The following OR9Q1 variants were observed in gnomAD, a reference collection of about 807,000 sequenced individuals.
OR9Q1 encodes olfactory receptor 9Q1.
For synonymous variants in OR9Q1, 153 were observed against 148.6 expected (o/e 1.03, Z -0.22); for missense variants, 374 against 378.8 (o/e 0.99, Z 0.11).
intron 1 of OR9Q1, among the ~76,000 whole-genome samples, chr11:58,053,390 T>C (rs1023538560): frequency 1.5e-5 from 2 of 134,366 alleles, no homozygotes; most frequent in Non-Finnish European, 1.5e-5. Context: ...TAGGTGGGAA[T>C]TGAACAATGA....
At chr11:58,147,139 A>G (rs1378535307) in intron 2 of OR9Q1, among the ~76,000 whole-genome samples, 1 of 152,116 alleles carries the variant, frequency 6.6e-6, no homozygotes, top group Non-Finnish European at 1.5e-5. Flanking sequence ...TCTAGGACAC[A>G]TGTTATGTTA....
intron 2 of OR9Q1, among the ~76,000 whole-genome samples, chr11:58,136,979 C>G (rs370936690): frequency 7.2e-5 from 11 of 152,270 alleles, no homozygotes; most frequent in East Asian, 5.8e-4. Flanking sequence ...ATAGATCAGT[C>G]TGATTTAGGT....
intron 2 of OR9Q1, among the ~76,000 whole-genome samples, chr11:58,176,628 C>T (rs552023618): frequency 3.9e-5 from 6 of 152,166 alleles, no homozygotes; most frequent in South Asian, 4.2e-4. Context: ...GTGTCTTTGG[C>T]GGAAAAGAAG....
rs554537632 is a variant in OR9Q1, at chr11:58,078,256, C to T, written c.-15+22309C>T. 2.0e-5 allele frequency: 3 copies of T among 152,220 alleles called. No individual in the cohort carries two copies. In the East Asian group the frequency reaches 5.8e-4, roughly 29 times the overall value. The allele number at this position is 152,220 out of a possible 1,614,324, so 9.4% of individuals were successfully genotyped here. A position where few individuals can be genotyped will look rare whatever the true frequency, so the allele number is the denominator to read the frequency against. On this transcript the variant is annotated intron_variant, in intron 2 of 2. Transcript: ENST00000335397. ...ATGGCTTGTAGTGTGGGGCAGTGGG[C>T]TGCTTATGGTCATTGCTGTTGGCAG... is the stretch of plus-strand genomic sequence containing the variant.
At chr11:58,077,494 A>G (rs1853548576) in intron 2 of OR9Q1, 1 of 152,194 alleles carries the variant, frequency 6.6e-6, no homozygotes, top group African/African-American at 2.4e-5. Context: ...TCAGTGATTT[A>G]TCTGAGGTAC....
At chr11:58,026,548 G>T (rs1331461337) in intron 1 of OR9Q1, among the ~76,000 whole-genome samples, 1 of 151,960 alleles carries the variant, frequency 6.6e-6, no homozygotes, top group Non-Finnish European at 1.5e-5. Context: ...TGGATATGGT[G>T]ATGCGTGCCT....
intron 2 of OR9Q1, chr11:58,108,761 A>G: frequency 4.6e-6 from 1 of 215,378 alleles, no homozygotes; most frequent in Non-Finnish European, 9.4e-6. Flanking sequence ...AGTTTTCCAA[A>G]TGCAGCTTTT....
chr11:58,156,748 GCTCT>G (rs1190790870), intron 2 of OR9Q1, among the ~76,000 whole-genome samples: 10 of 151,952 alleles, frequency 6.6e-5, no homozygotes, highest in African/African-American at 1.4e-4. Flanking sequence ...CTCTCTTTCT[GCTCT>G]CTCTCTGTCT....
intron 2 of OR9Q1, chr11:58,109,665 C>A: frequency 2.3e-6 from 1 of 441,796 alleles, no homozygotes. Flanking sequence ...TGGCCATAGG[C>A]TCAATATAGC....
chr11:58,150,035 G>T (rs1402776094), intron 2 of OR9Q1, among the ~76,000 whole-genome samples: 3 of 152,138 alleles, frequency 2.0e-5, no homozygotes, highest in Admixed American at 6.6e-5. Context: ...ACTTTTTGAG[G>T]AACCACCTAC....
chr11:58,165,439 C>T (rs891835030), intron 2 of OR9Q1, among the ~76,000 whole-genome samples: 3 of 152,218 alleles, frequency 2.0e-5, no homozygotes, highest in Admixed American at 6.5e-5. Context: ...TCAGAGCCCT[C>T]TAATAAATTC....
In OR9Q1 at chr11:58,124,164, T is replaced by C. The variant is rs143070019; in HGVS notation, c.-14-55267T>C. ...ATCTTGTTTAAGAAGGAGATTGGGG[T>C]ACCATCAGCTTGGGTGAGGCCAAGA... On this transcript the variant is annotated intron_variant, in intron 2 of 2. Transcript: ENST00000335397. Among the ~76,000 whole-genome samples the C allele has an allele frequency of 8.5e-4, 130 of 152,164 alleles. 1 individual carries two copies. Among genetic ancestry groups the C allele is most frequent in the African/African-American group, 3.0e-3 (123 of 41,514 alleles).
intron 2 of OR9Q1, among the ~76,000 whole-genome samples, chr11:58,068,436 T>C (rs1853454036): frequency 6.6e-6 from 1 of 151,978 alleles, no homozygotes; most frequent in Non-Finnish European, 1.5e-5. Context: ...GAAATTCCTC[T>C]GTTACACAGC....
At chr11:58,135,371 A>G (rs1854180001) in intron 2 of OR9Q1, among the ~76,000 whole-genome samples, 1 of 152,166 alleles carries the variant, frequency 6.6e-6, no homozygotes. Flanking sequence ...ATCTACCTGA[A>G]CACAGACAGC....
intron 2 of OR9Q1, among the ~76,000 whole-genome samples, chr11:58,087,119 T>TA (rs1311994245): frequency 1.3e-5 from 2 of 151,744 alleles, no homozygotes; most frequent in Non-Finnish European, 2.9e-5. Context: ...AAATATATAA[T>TA]ATATAAATTA....
At chr11:58,077,577 A>C (rs767964926) in intron 2 of OR9Q1, 5 of 152,174 alleles carry the variant, frequency 3.3e-5, no homozygotes, top group East Asian at 1.9e-4. Flanking sequence ...TGGATGGATA[A>C]AATTATTGGC....
At chr11:58,110,931 T>C (rs141998373) in intron 2 of OR9Q1, among the ~76,000 whole-genome samples, 1 of 152,252 alleles carries the variant, frequency 6.6e-6, no homozygotes, top group East Asian at 1.9e-4. Context: ...TGGGAGGCTG[T>C]CTGGAATCAG....
At chr11:58,075,925 T>C (rs894777802) in intron 2 of OR9Q1, among the ~76,000 whole-genome samples, 4 of 152,214 alleles carry the variant, frequency 2.6e-5, no homozygotes, top group Non-Finnish European at 5.9e-5. Context: ...GTACTGGATA[T>C]GCATTAACTC....
At chr11:58,110,755 T>C (rs1030439784) in intron 2 of OR9Q1, among the ~76,000 whole-genome samples, 2 of 152,222 alleles carry the variant, frequency 1.3e-5, no homozygotes, top group Non-Finnish European at 2.9e-5. Context: ...TGGAAAGGGT[T>C]CATAGTGTTT....
Sources: gnomAD v4.1 joint callset for allele counts (sites outside exome capture counted in the v4.1 genomes callset) on GRCh38, gnomAD v4.1.1 for gene constraint, MANE v1.5 for transcripts, NCBI Gene and HGNC (gene_info 2026-07-23, HGNC 2026-07-21) for gene names.